Variants in PTPRM observed in about 807,000 individuals in gnomAD.
PTPRM encodes the protein protein tyrosine phosphatase receptor type M, also known as receptor-type tyrosine-protein phosphatase mu.
A neutral mutation model predicts 186.7 loss-of-function variants in PTPRM; 47 were observed. That is an observed-to-expected ratio of 0.25 (90% confidence interval 0.20 to 0.32). The LOEUF is 0.32. PTPRM is among the 10% of genes least tolerant of loss of function. The pLI, the probability that PTPRM is intolerant of heterozygous loss-of-function variation, is 1.00. For synonymous variants in PTPRM, 668 were observed against 674.9 expected (o/e 0.99, Z 0.16); for missense variants, 1,494 against 1,865.0 (o/e 0.80, Z 3.66).
At position 8,126,014 on chromosome 18, in the gene PTPRM, TATATA is replaced by T. The variant is rs1394027011; in HGVS notation, c.2167+11188_2167+11192del. On this transcript the variant is annotated intron_variant, in intron 13 of 32. Transcript: ENST00000580170. ...ATATATATATATATATATATATATA[TATATA>T]TATATATATTTTAAATCAGTAGACC... 1.5e-3 allele frequency among the ~76,000 whole-genome samples: 38 copies of T among 24,616 alleles called. 2 individuals carry two copies. The highest frequency in any genetic ancestry group is 0.011 in the South Asian group (8 of 750). 16.1% of individuals were successfully genotyped at this position (24,616 alleles called of 152,430 possible). A position where few individuals can be genotyped will look rare whatever the true frequency, so the allele number is the denominator to read the frequency against.
At chr18:7,633,203 G>A (rs947074239) in intron 1 of PTPRM, among the ~76,000 whole-genome samples, 1 of 152,122 alleles carries the variant, frequency 6.6e-6, no homozygotes, top group Non-Finnish European at 1.5e-5. Flanking sequence ...GTATTAATGA[G>A]ATGTTGCAAA....
intron 2 of PTPRM, among the ~76,000 whole-genome samples, chr18:7,826,007 TAA>T (rs765695472): frequency 5.9e-5 from 9 of 152,340 alleles, no homozygotes; most frequent in Non-Finnish European, 1.2e-4. Flanking sequence ...TGTCTGGTGT[TAA>T]CAGTGGCTCT....
intron 22 of PTPRM, among the ~76,000 whole-genome samples, chr18:8,337,023 G>T (rs2095443810): frequency 6.6e-6 from 1 of 152,004 alleles, no homozygotes. Context: ...AAAGAGAAAA[G>T]AAGTGGAAAG....
At chr18:8,326,424 GA>G (rs1178209976) in intron 22 of PTPRM, among the ~76,000 whole-genome samples, 2 of 152,158 alleles carry the variant, frequency 1.3e-5, no homozygotes, top group East Asian at 3.9e-4. Context: ...CACAGAATTA[GA>G]AAAAACTATT....
chr18:8,119,234 C>A (rs1327813500), intron 13 of PTPRM, among the ~76,000 whole-genome samples: 1 of 152,012 alleles, frequency 6.6e-6, no homozygotes, highest in South Asian at 2.1e-4. Flanking sequence ...GATATAATTT[C>A]TAGATTCAGA....
chr18:8,080,497 C>T (rs577464869), intron 9 of PTPRM, among the ~76,000 whole-genome samples: 21 of 152,166 alleles, frequency 1.4e-4, no homozygotes, highest in Non-Finnish European at 2.8e-4. Flanking sequence ...AACTTAGGGA[C>T]TCAATACATG....
chr18:8,197,649 C>T (rs1165711037), intron 14 of PTPRM, among the ~76,000 whole-genome samples: 1 of 152,124 alleles, frequency 6.6e-6, no homozygotes, highest in Non-Finnish European at 1.5e-5. Context: ...ATTAATCAGG[C>T]CACATGCTGT....
intron 7 of PTPRM, among the ~76,000 whole-genome samples, chr18:7,965,997 A>G (rs1221531441): frequency 1.3e-5 from 2 of 152,224 alleles, no homozygotes; most frequent in East Asian, 1.9e-4. Flanking sequence ...TAAAACTTGT[A>G]TAGTCATAAC....
At chr18:8,276,799 T>G (rs1163201093) in intron 19 of PTPRM, among the ~76,000 whole-genome samples, 1 of 152,172 alleles carries the variant, frequency 6.6e-6, no homozygotes, top group Non-Finnish European at 1.5e-5. Flanking sequence ...CTGTGAGACT[T>G]TGGGTCTGTG....
chr18:8,112,431 C>T (rs1417120628), intron 11 of PTPRM, among the ~76,000 whole-genome samples: 1 of 152,142 alleles, frequency 6.6e-6, no homozygotes, highest in Non-Finnish European at 1.5e-5. Context: ...GTGCTTTTTC[C>T]TTGGCATTAA....
chr18:7,660,485 A>G (rs2038953870), intron 1 of PTPRM, among the ~76,000 whole-genome samples: 1 of 152,180 alleles, frequency 6.6e-6, no homozygotes, highest in African/African-American at 2.4e-5. Context: ...AAAGTAGGGA[A>G]GACAGAGATC....
chr18:7,680,756 C>T (rs1230279222), intron 1 of PTPRM, among the ~76,000 whole-genome samples: 4 of 152,166 alleles, frequency 2.6e-5, no homozygotes, highest in Admixed American at 2.0e-4. Flanking sequence ...GGTGAAAGTA[C>T]TTTATGAACA....
intron 7 of PTPRM, among the ~76,000 whole-genome samples, chr18:8,005,876 C>T (rs2084154473): frequency 6.6e-6 from 1 of 151,868 alleles, no homozygotes; most frequent in Non-Finnish European, 1.5e-5. Flanking sequence ...AGTCTTTTTT[C>T]CTGATTAAAA....
intron 7 of PTPRM, among the ~76,000 whole-genome samples, chr18:8,067,473 A>C (rs904412284): frequency 1.4e-4 from 21 of 152,144 alleles, no homozygotes; most frequent in African/African-American, 5.1e-4. Flanking sequence ...GCCACTCACG[A>C]TTTCTTGGAG....
chr18:7,852,943 G>T (rs2046936941), intron 2 of PTPRM, among the ~76,000 whole-genome samples: 1 of 152,124 alleles, frequency 6.6e-6, no homozygotes, highest in Admixed American at 6.5e-5. Flanking sequence ...GAACTAAACT[G>T]TTAAAAAGTT....
At chr18:8,063,497 G>A (rs569581648) in intron 7 of PTPRM, among the ~76,000 whole-genome samples, 29 of 152,106 alleles carry the variant, frequency 1.9e-4, no homozygotes, top group South Asian at 1.7e-3. Context: ...TTTTTGTACA[G>A]TTCATCATTC....
intron 22 of PTPRM, among the ~76,000 whole-genome samples, chr18:8,336,556 AAAAG>A (rs994702345): frequency 2.0e-5 from 3 of 148,990 alleles, no homozygotes; most frequent in Admixed American, 1.3e-4. Flanking sequence ...TGTCTCAAAA[AAAAG>A]AAAGAAAGAG....
chr18:8,365,478 A>G (rs2095623114), intron 23 of PTPRM, among the ~76,000 whole-genome samples: 1 of 152,226 alleles, frequency 6.6e-6, no homozygotes, highest in South Asian at 2.1e-4. Flanking sequence ...GGGAGTTGCA[A>G]TGATCTTGAA....
chr18:8,023,533 A>G (rs2085357042), intron 7 of PTPRM, among the ~76,000 whole-genome samples: 2 of 152,220 alleles, frequency 1.3e-5, no homozygotes, highest in Non-Finnish European at 2.9e-5. Context: ...TTTTATCTCA[A>G]GAACTTACTA....
Sources: allele counts gnomAD v4.1 joint callset (sites outside exome capture counted in the v4.1 genomes callset), GRCh38; gene constraint gnomAD v4.1.1; transcripts MANE v1.5; gene names NCBI Gene and HGNC (gene_info 2026-07-23, HGNC 2026-07-21).